Variants in VDAC1 observed in about 807,000 individuals in gnomAD.
The protein encoded by VDAC1 is voltage dependent anion channel 1.
Under a neutral mutation model 34.7 loss-of-function variants are expected in VDAC1, and 10 were observed. The observed-to-expected ratio is 0.29, with a 90% CI of 0.18 to 0.49. The LOEUF (loss-of-function observed/expected upper bound fraction) is 0.49, where lower values mean the gene tolerates loss of function less well. VDAC1 is among the 20% of genes least tolerant of loss of function. The pLI, the probability that VDAC1 is intolerant of heterozygous loss-of-function variation, is 0.99. For missense variants in VDAC1, 230 were observed against 347.9 expected, an observed-to-expected ratio of 0.66 and a Z score of 2.69; for synonymous variants, 130 against 136.0, an observed-to-expected ratio of 0.96 and a Z score of 0.30.
chr5:134,016,384 C>G, the VDAC1 span, among the ~76,000 whole-genome samples: 1 of 152,308 alleles, frequency 6.6e-6, no homozygotes, highest in South Asian at 2.1e-4. Flanking sequence ...AAGGCAAGGG[C>G]TTCCCCCTTT....
intron 1 of VDAC1, among the ~76,000 whole-genome samples, chr5:133,998,522 G>T (rs535910753): frequency 1.3e-5 from 2 of 152,128 alleles, no homozygotes; most frequent in Non-Finnish European, 2.9e-5. Flanking sequence ...GTGACAGAGC[G>T]AGAGACTCCC....
intron 1 of VDAC1, among the ~76,000 whole-genome samples, chr5:134,002,992 G>C (rs1753618740): frequency 6.7e-6 from 1 of 150,296 alleles, no homozygotes; most frequent in African/African-American, 2.4e-5. Context: ...CAGGATCAAA[G>C]GACTATGGTC....
chr5:134,002,049 G>A (rs1165488582), intron 1 of VDAC1, among the ~76,000 whole-genome samples: 1 of 152,116 alleles, frequency 6.6e-6, no homozygotes, highest in East Asian at 1.9e-4. Flanking sequence ...AGCTTCGGCT[G>A]GTCCTCAACC....
At chr5:134,005,181 T>G (rs1753717917), upstream of VDAC1, 1 of 152,096 alleles carries the variant, frequency 6.6e-6, no homozygotes, top group Non-Finnish European at 1.5e-5. Context: ...TCCGCGCTGC[T>G]AGATCCCCCG....
chr5:134,095,518 A>AATC, the VDAC1 span, among the ~76,000 whole-genome samples: 18 of 150,552 alleles, frequency 1.2e-4, no homozygotes, highest in African/African-American at 4.5e-4. Context: ...ATAAATAAAT[A>AATC]AATAAATCCA....
chr5:133,995,210 C>T (rs986384194), intron 1 of VDAC1, among the ~76,000 whole-genome samples: 1 of 152,186 alleles, frequency 6.6e-6, no homozygotes, highest in African/African-American at 2.4e-5. Flanking sequence ...CAGACCGGAC[C>T]CCTCCTGGGG....
chr5:133,992,667 T>C (rs748278304), intron 2 of VDAC1, among the ~76,000 whole-genome samples: 15 of 152,236 alleles, frequency 9.9e-5, no homozygotes, highest in Non-Finnish European at 1.8e-4. Context: ...AGGCTAAATA[T>C]AGAAGCCGCG....
intron 2 of VDAC1, among the ~76,000 whole-genome samples, chr5:133,992,674 C>T (rs996802601): frequency 7.9e-5 from 12 of 152,244 alleles, no homozygotes; most frequent in African/African-American, 2.7e-4. Flanking sequence ...ATATAGAAGC[C>T]GCGCTCCACT....
At chr5:134,030,582 A>G in the VDAC1 span, among the ~76,000 whole-genome samples, 2 of 140,678 alleles carry the variant, frequency 1.4e-5, no homozygotes, top group Non-Finnish European at 3.0e-5. Flanking sequence ...TTTTCCCCTC[A>G]GCATTCTTTC....
chr5:134,071,633 G>A, the VDAC1 span, among the ~76,000 whole-genome samples: 1 of 152,174 alleles, frequency 6.6e-6, no homozygotes, highest in East Asian at 1.9e-4. The surrounding 1 kb of genome is among the most constrained non-coding windows in gnomAD (Gnocchi z 4.1). Flanking sequence ...TTCGTTTTTT[G>A]GGTGAGGGGT....
chr5:133,993,134 T>C (rs6893145), intron 1 of VDAC1, 116 bp from the exon 2 acceptor site: 119,941 of 1,057,514 alleles, frequency 0.11, 7,944 homozygotes, highest in South Asian at 0.21. Context: ...GCACTAAGAC[T>C]ACCAGGTAGC....
At chr5:134,092,401 G>A in the VDAC1 span, among the ~76,000 whole-genome samples, 1 of 152,180 alleles carries the variant, frequency 6.6e-6, no homozygotes, top group African/African-American at 2.4e-5. Context: ...ATTTTGGAGA[G>A]GGAGGTGTGT....
At chr5:134,058,611 G>A in the VDAC1 span, among the ~76,000 whole-genome samples, 340 of 152,238 alleles carry the variant, frequency 2.2e-3, no homozygotes, top group African/African-American at 7.3e-3. Context: ...CACCGCACCC[G>A]GCCCAAGGAC....
chr5:134,085,132 G>C, the VDAC1 span, among the ~76,000 whole-genome samples: 6 of 151,066 alleles, frequency 4.0e-5, no homozygotes, highest in Non-Finnish European at 8.8e-5. Flanking sequence ...GCAGTGGCGC[G>C]ATCTCAGCTC....
At chr5:134,046,045 A>G in the VDAC1 span, among the ~76,000 whole-genome samples, 28 of 143,816 alleles carry the variant, frequency 1.9e-4, no homozygotes, top group East Asian at 5.4e-3. Flanking sequence ...TTTATTTTTG[A>G]GATGGAGTCT....
chr5:134,069,625 G>T, the VDAC1 span, among the ~76,000 whole-genome samples: 1 of 152,114 alleles, frequency 6.6e-6, no homozygotes, highest in African/African-American at 2.4e-5. Flanking sequence ...GGGAGTGAGG[G>T]GGTCTCACTC....
At chr5:134,015,810 A>C in the VDAC1 span, among the ~76,000 whole-genome samples, 318 of 152,022 alleles carry the variant, frequency 2.1e-3, 2 homozygotes, top group South Asian at 9.0e-3. Context: ...ACACCCAGCT[A>C]ATTTTTGTAT....
the VDAC1 span, among the ~76,000 whole-genome samples, chr5:134,096,233 GC>G: frequency 1.3e-5 from 2 of 152,248 alleles, no homozygotes; most frequent in African/African-American, 2.4e-5. Context: ...CACTGACACT[GC>G]CGAGGGCAAT....
Position 133,991,172 on chromosome 5 carries a change from G to T in VDAC1, c.118-18C>A. The T allele has an allele frequency of 1.2e-6, 2 of 1,606,386 alleles. No homozygotes were observed. Among genetic ancestry groups the T allele is most frequent in the Non-Finnish European group, 1.7e-6 (2 of 1,179,954 alleles). On this transcript the variant is annotated intron_variant, in intron 3 of 8. Transcript: ENST00000265333. The stretch of plus-strand genomic sequence containing the variant: ...GTAAATTCCTTCAAAGGAGAGAGAA[G>T]AGTCACAGCCTGCACCATAGCACTC...
Sources: allele counts gnomAD v4.1 joint callset (sites outside exome capture counted in the v4.1 genomes callset), GRCh38; gene constraint gnomAD v4.1.1; non-coding constraint Gnocchi (gnomAD v3.1); transcripts MANE v1.5; gene names NCBI Gene and HGNC (gene_info 2026-07-23, HGNC 2026-07-21).